The following CDH12 variants were observed in gnomAD, a reference collection of about 807,000 sequenced individuals.
CDH12 encodes the protein cadherin 12, also known as cadherin-12.
CDH12 carries 41 observed loss-of-function variants against 74.1 expected under a neutral mutation model. The observed-to-expected ratio is 0.55, with a 90% CI of 0.43 to 0.72. The LOEUF is 0.72. CDH12 is among the 30% of genes least tolerant of loss of function. The pLI is 0.00. For missense variants in CDH12, 945 were observed against 977.2 expected, an observed-to-expected ratio of 0.97 and a Z score of 0.44; for synonymous variants, 399 against 355.0, an observed-to-expected ratio of 1.12 and a Z score of -1.39.
At chr5:22,401,234 T>C (rs115266452) in intron 3 of CDH12, among the ~76,000 whole-genome samples, 6,165 of 152,212 alleles carry the variant, frequency 0.041, 431 homozygotes, top group African/African-American at 0.14. Flanking sequence ...ATTAGAAATT[T>C]ACAGGCACAT....
chr5:22,777,183 A>C (rs1747147215), intron 1 of CDH12, among the ~76,000 whole-genome samples: 1 of 152,198 alleles, frequency 6.6e-6, no homozygotes, highest in South Asian at 2.1e-4. Flanking sequence ...TAATGCAGAA[A>C]GAGGAAAAAT....
chr5:22,337,844 A>T (rs1168302230), intron 3 of CDH12, among the ~76,000 whole-genome samples: 1 of 152,230 alleles, frequency 6.6e-6, no homozygotes, highest in Non-Finnish European at 1.5e-5. Context: ...ATTTTAAGAG[A>T]AATGCCAGAC....
At chr5:22,645,495 A>G (rs1246886254) in intron 1 of CDH12, among the ~76,000 whole-genome samples, 1 of 152,036 alleles carries the variant, frequency 6.6e-6, no homozygotes, top group African/African-American at 2.4e-5. Flanking sequence ...GTTTCTTGTG[A>G]AGGAATCTAC....
At position 22,106,016 on chromosome 5, in the gene CDH12, T is replaced by G. The variant is rs897637889; in HGVS notation, c.-186-27154A>C. On this transcript the variant is annotated intron_variant, in intron 4 of 14. Transcript: ENST00000382254. ...GTTGGTATATGTCCTATGATTGGTT[T>G]GTGGAATACTATTGCCATAGAAGTT... 4.6e-5 allele frequency among the ~76,000 whole-genome samples: 7 copies of G among 152,350 alleles called. No individual in the cohort carries two copies. The South Asian group carries it at 6.2e-4, about 14-fold the overall frequency.
In CDH12 at chr5:22,376,642, G is replaced by A. The variant is rs539877198; in HGVS notation, c.-333+28615C>T. Among the ~76,000 whole-genome samples, 236 of 149,716 alleles carry A rather than the reference G, an allele frequency of 1.6e-3. 3 individuals carry two copies. Among genetic ancestry groups the A allele is most frequent in the African/African-American group, 5.7e-3 (234 of 40,822 alleles). On this transcript the variant is annotated intron_variant, in intron 3 of 14. Transcript: ENST00000382254. ...AACCGTCCTCCCACCTCAGCCTTAT[G>A]AATAGCTGGGACTACAGGCATGTGC... is the stretch of plus-strand genomic sequence containing the variant.
At chr5:22,547,510 TTAGAAA>T (rs1201789146) in intron 1 of CDH12, among the ~76,000 whole-genome samples, 1 of 152,220 alleles carries the variant, frequency 6.6e-6, no homozygotes, top group African/African-American at 2.4e-5. Context: ...ATTTTCCTGA[TTAGAAA>T]TAGAAATTTT....
chr5:22,020,391 T>C lies in CDH12; in HGVS notation c.232-45006A>G, dbSNP rs372266588. On this transcript the variant is annotated intron_variant, in intron 5 of 14. Coordinates refer to ENST00000382254, the MANE Select transcript of CDH12 (RefSeq NM_004061.5). ...TAACATTGTGAAACCCCGTCTCTAC[T>C]AAAAATACAAAAACTAGCCAGACAT... 1.0e-3 allele frequency among the ~76,000 whole-genome samples: 155 copies of C among 151,862 alleles called. 4 individuals are homozygous for C. Among genetic ancestry groups the C allele is most frequent in the African/African-American group, 3.3e-3 (137 of 41,430 alleles).
chr5:22,726,454 T>G (rs79885975), intron 1 of CDH12, among the ~76,000 whole-genome samples: 5 of 151,904 alleles, frequency 3.3e-5, no homozygotes, highest in African/African-American at 1.2e-4. Flanking sequence ...GAAAGACATA[T>G]TGATTACCTA....
intron 2 of CDH12, among the ~76,000 whole-genome samples, chr5:22,486,446 AT>A (rs5866568): frequency 0.023 from 3,064 of 131,394 alleles, 49 homozygotes; most frequent in Admixed American, 0.054. Context: ...GTAACTAGTA[AT>A]TTTTTTTTTT....
At chr5:22,812,943 A>G (rs1393624485) in intron 1 of CDH12, among the ~76,000 whole-genome samples, 1 of 152,106 alleles carries the variant, frequency 6.6e-6, no homozygotes, top group Non-Finnish European at 1.5e-5. Flanking sequence ...TGAAGAAATG[A>G]TCGCTGAGAT....
chr5:21,832,301 CAAATG>C (rs1392711981), intron 8 of CDH12, among the ~76,000 whole-genome samples: 2 of 152,134 alleles, frequency 1.3e-5, no homozygotes, highest in Admixed American at 1.3e-4. Context: ...CTCTCGTTAG[CAAATG>C]ACAATGTGAT....
chr5:22,525,472 G>C (rs1737226047), intron 1 of CDH12, among the ~76,000 whole-genome samples: 2 of 147,284 alleles, frequency 1.4e-5, no homozygotes, highest in South Asian at 4.5e-4. Context: ...TGGAGAGAGA[G>C]AGCAAGAGAG....
At chr5:22,536,272 G>A (rs191971275) in intron 1 of CDH12, among the ~76,000 whole-genome samples, 1 of 152,270 alleles carries the variant, frequency 6.6e-6, no homozygotes, top group African/African-American at 2.4e-5. Context: ...TAGTTTCTTT[G>A]CCATCAACAA....
chr5:22,078,748 G>C lies in CDH12; in HGVS notation c.-72C>G. The C allele has an allele frequency of 1.3e-6, 2 of 1,565,580 alleles. No homozygotes were observed. The highest frequency in any genetic ancestry group is 1.9e-5 in the Admixed American group (1 of 53,922). ...ACGTAGAATTGTGGAATCCAGGTTT[G>C]AGGTGTCTGTGGCCTCCACCACTTA... On this transcript the variant is annotated 5_prime_UTR_variant, in exon 5 of 15. Transcript: ENST00000382254.
At chr5:22,691,509 G>T (rs148755110) in intron 1 of CDH12, among the ~76,000 whole-genome samples, 4 of 152,110 alleles carry the variant, frequency 2.6e-5, no homozygotes, top group Admixed American at 2.6e-4. Context: ...CTAACTGAAA[G>T]GTTTGAGTAT....
intron 1 of CDH12, among the ~76,000 whole-genome samples, chr5:22,745,186 G>T (rs530463100): frequency 6.6e-6 from 1 of 151,998 alleles, no homozygotes; most frequent in South Asian, 2.1e-4. Flanking sequence ...ACTACCCATT[G>T]CTCTTCTATA....
In CDH12 at chr5:22,610,109, C is replaced by G. The variant is rs149409126; in HGVS notation, c.-522-104745G>C. On this transcript the variant is annotated intron_variant, in intron 1 of 14. Coordinates refer to ENST00000382254, the MANE Select transcript of CDH12 (RefSeq NM_004061.5). ...AGTTCTATACAAAATAATGGAGTTT[C>G]CAAACCTGTTTTGTTCAATGGAAAC... Among the ~76,000 whole-genome samples, 427 of 152,304 alleles carry G rather than the reference C, an allele frequency of 2.8e-3. 4 individuals carry two copies. Among genetic ancestry groups the G allele is most frequent in the African/African-American group, 9.8e-3 (407 of 41,578 alleles).
intron 1 of CDH12, among the ~76,000 whole-genome samples, chr5:22,836,390 A>AT (rs900842348): frequency 4.0e-5 from 6 of 149,356 alleles, no homozygotes; most frequent in African/African-American, 4.9e-5. Flanking sequence ...TTCTCGGCTA[A>AT]TTTTTTTTTC....
intron 2 of CDH12, among the ~76,000 whole-genome samples, chr5:22,459,879 T>C (rs947353220): frequency 1.3e-5 from 2 of 152,006 alleles, no homozygotes; most frequent in African/African-American, 4.8e-5. Flanking sequence ...GGCAGAAGAA[T>C]CGCTTGAACC....
Sources: allele counts gnomAD v4.1 joint callset (sites outside exome capture counted in the v4.1 genomes callset), GRCh38; gene constraint gnomAD v4.1.1; transcripts MANE v1.5; gene names NCBI Gene and HGNC (gene_info 2026-07-23, HGNC 2026-07-21).